NUDCD1: variants seen among roughly 807,000 people sequenced by gnomAD.
NUDCD1 encodes NudC domain containing 1, also known as nudC domain-containing protein 1.
In NUDCD1, 60 loss-of-function variants were observed where a neutral mutation model predicts 67.8. The ratio of observed to expected loss-of-function variants is 0.88; its 90% confidence interval spans 0.72 to 1.10. The LOEUF is 1.10. Ranked by LOEUF, NUDCD1 falls within the 50% of genes least tolerant of loss-of-function variation. The pLI is 0.00. For missense variants in NUDCD1, 643 were observed against 695.0 expected (o/e 0.93, Z 0.84); for synonymous variants, 244 against 230.8 (o/e 1.06, Z -0.52).
Position 109,323,715 on chromosome 8 carries a change from T to C in NUDCD1, c.119-1252A>G, listed in dbSNP as rs540274312. Among the ~76,000 whole-genome samples the C allele has an allele frequency of 3.9e-5, 6 of 152,128 alleles. No homozygotes were observed. In the South Asian group the frequency reaches 1.2e-3, roughly 32 times the overall value. On this transcript the variant is annotated intron_variant, in intron 1 of 9. Coordinates refer to ENST00000239690, the MANE Select transcript of NUDCD1 (RefSeq NM_032869.4). ...ACTTCTACAAGAAAACTACAAAACATTAATGAAAGAAATTGAAGAGGACAC... is the reference window on the plus strand; with the variant it reads ...ACTTCTACAAGAAAACTACAAAACACTAATGAAAGAAATTGAAGAGGACAC...
chr8:109,321,169 A>G (rs543470025), intron 2 of NUDCD1, among the ~76,000 whole-genome samples: 1 of 152,354 alleles, frequency 6.6e-6, no homozygotes, highest in Non-Finnish European at 1.5e-5. Flanking sequence ...TACTCTGTAG[A>G]TGCAATGCGC....
At chr8:109,262,795 C>T (rs1813895361) in intron 8 of NUDCD1, among the ~76,000 whole-genome samples, 1 of 151,964 alleles carries the variant, frequency 6.6e-6, no homozygotes, top group African/African-American at 2.4e-5. Flanking sequence ...GTAGCTCACG[C>T]CCGTAATCCT....
intron 2 of NUDCD1, chr8:109,313,707 C>G (rs1815316075): frequency 2.2e-6 from 1 of 446,044 alleles, no homozygotes; most frequent in Non-Finnish European, 4.4e-6. Context: ...TAAACCATTA[C>G]TGGGAAGAAC....
At chr8:109,286,955 A>C (rs1814588201) in intron 5 of NUDCD1, among the ~76,000 whole-genome samples, 1 of 152,180 alleles carries the variant, frequency 6.6e-6, no homozygotes, top group South Asian at 2.1e-4. Flanking sequence ...AACAATGGGC[A>C]AAAGACATGA....
chr8:109,245,679 T>C (rs1813477989), intron 8 of NUDCD1, among the ~76,000 whole-genome samples, 198 bp from the exon 9 acceptor site: 1 of 152,212 alleles, frequency 6.6e-6, no homozygotes, highest in African/African-American at 2.4e-5. Context: ...AGGAAAGTGA[T>C]GCACAAGGCA....
At position 109,242,079 on chromosome 8, in the gene NUDCD1, A is replaced by T; in HGVS notation, c.*930T>A. 2 of 398,136 alleles carry T rather than the reference A, an allele frequency of 5.0e-6. No homozygotes were observed. The highest frequency in any genetic ancestry group is 8.9e-6 in the Non-Finnish European group (2 of 225,734). 24.7% of individuals were successfully genotyped at this position (398,136 alleles called of 1,614,324 possible). ...TTATAATTTGTCCTTGTGTGGTAAG[A>T]TTGTTCCATCAATGGCCCCCAATGA... is the stretch of plus-strand genomic sequence containing the variant. On this transcript the variant is annotated 3_prime_UTR_variant, in exon 10 of 10. Transcript: ENST00000239690.
Position 109,293,388 on chromosome 8 carries a change from A to G in NUDCD1, c.596T>C (p.Phe199Ser). The G allele has an allele frequency of 6.3e-7, 1 of 1,588,264 alleles. No homozygotes were observed. Among genetic ancestry groups the G allele is most frequent in the Admixed American group, 1.8e-5 (1 of 55,214 alleles). The change falls in exon 4 of 10, where the codon TTC becomes TCC. Residue 199 changes from phenylalanine to serine, a missense_variant. Transcript: ENST00000239690. ...KEELDMKGSG[F>S]YVSLEWVTIS... ...AGTGACCCACTCCAGAGAAACATAGAAACCACTTCCTTTCATATCCAATTC... is the reference window on the plus strand; with the variant it reads ...AGTGACCCACTCCAGAGAAACATAGGAACCACTTCCTTTCATATCCAATTC...
chr8:109,242,993 C>T lies in NUDCD1; in HGVS notation c.*16G>A, dbSNP rs1181686392. 3 of 1,529,208 alleles carry T rather than the reference C, an allele frequency of 2.0e-6. No individual in the cohort carries two copies. The highest frequency in any genetic ancestry group is 3.4e-5 in the Admixed American group (2 of 58,940). The allele number at this position is 1,529,208 out of a possible 1,614,324, so 94.7% of individuals were successfully genotyped here. ...GAATACTTTTCCAGTACAAAGAGGC[C>T]AATATGTTAGAATAATTAATTCTCT... On this transcript the variant is annotated 3_prime_UTR_variant, in exon 10 of 10. Coordinates refer to ENST00000239690, the MANE Select transcript of NUDCD1 (RefSeq NM_032869.4).
At chr8:109,293,040 T>C (rs1194822028) in intron 4 of NUDCD1, among the ~76,000 whole-genome samples, 2 of 152,018 alleles carry the variant, frequency 1.3e-5, no homozygotes, top group East Asian at 1.9e-4. Context: ...GTATCACACA[T>C]ATATATGCAT....
intron 1 of NUDCD1, chr8:109,329,837 G>T (rs1004350569): frequency 1.3e-6 from 2 of 1,550,658 alleles, no homozygotes; most frequent in African/African-American, 2.7e-5. Context: ...ATAAAGCATT[G>T]AAAACGATGG....
intron 2 of NUDCD1, among the ~76,000 whole-genome samples, chr8:109,311,559 G>GTGTATATATATATA: frequency 0.022 from 2,706 of 125,004 alleles, 242 homozygotes; most frequent in Admixed American, 0.033. Context: ...AAACTGTGGT[G>GTGTATATATATATA]TATATATATA....
intron 7 of NUDCD1, among the ~76,000 whole-genome samples, chr8:109,273,515 G>A (rs972112843): frequency 3.3e-5 from 5 of 151,822 alleles, no homozygotes; most frequent in South Asian, 4.2e-4. Flanking sequence ...GAAAAAAAGA[G>A]CAAAATATAT....
At chr8:109,291,718 T>C (rs1349597602) in intron 4 of NUDCD1, among the ~76,000 whole-genome samples, 1 of 152,000 alleles carries the variant, frequency 6.6e-6, no homozygotes, top group South Asian at 2.1e-4. Context: ...AACTACAATC[T>C]TGGGAGAAAA....
At chr8:109,305,596 C>A (rs1815085165) in intron 2 of NUDCD1, among the ~76,000 whole-genome samples, 1 of 152,148 alleles carries the variant, frequency 6.6e-6, no homozygotes, top group Non-Finnish European at 1.5e-5. Context: ...TCCATTTGAA[C>A]TTTTATATGG....
intron 4 of NUDCD1, 36 bp from the exon 5 acceptor site, chr8:109,289,969 A>G: frequency 1.1e-6 from 1 of 925,982 alleles, no homozygotes; most frequent in Non-Finnish European, 1.6e-6. Flanking sequence ...AACATTACAA[A>G]TAAAAACTAT....
At chr8:109,270,955 T>C in intron 8 of NUDCD1, 50 bp downstream of exon 8, 2 of 1,240,232 alleles carry the variant, frequency 1.6e-6, no homozygotes, top group South Asian at 1.4e-5. Flanking sequence ...CCAATCATTA[T>C]CTGAGTAACT....
At chr8:109,324,375 G>A (rs1815616361) in intron 1 of NUDCD1, among the ~76,000 whole-genome samples, 1 of 151,098 alleles carries the variant, frequency 6.6e-6, no homozygotes, top group African/African-American at 2.4e-5. Flanking sequence ...AGTTAGAATG[G>A]CTATTTTCAA....
intron 2 of NUDCD1, 61 bp from the exon 3 acceptor site, chr8:109,296,630 T>G: frequency 8.9e-7 from 1 of 1,128,704 alleles, no homozygotes; most frequent in Admixed American, 2.3e-5. Flanking sequence ...ACACACAAAA[T>G]AAATATCTGC....
At chr8:109,309,499 A>G (rs1371776267) in intron 2 of NUDCD1, among the ~76,000 whole-genome samples, 1 of 152,200 alleles carries the variant, frequency 6.6e-6, no homozygotes, top group East Asian at 1.9e-4. Context: ...CCCACAGCCA[A>G]CATAATACTG....
Sources: gnomAD v4.1 joint callset for allele counts (sites outside exome capture counted in the v4.1 genomes callset) on GRCh38, gnomAD v4.1.1 for gene constraint, MANE v1.5 for transcripts, NCBI Gene and HGNC (gene_info 2026-07-23, HGNC 2026-07-21) for gene names.